MTMR14: variants seen among roughly 807,000 people sequenced by gnomAD.
MTMR14 encodes the protein phosphatidylinositol-3,5-bisphosphate 3-phosphatase MTMR14.
MTMR14 carries 48 observed loss-of-function variants against 86.3 expected under a neutral mutation model. The observed-to-expected ratio is 0.56, with a 90% CI of 0.44 to 0.71. The LOEUF (loss-of-function observed/expected upper bound fraction) is 0.71. Ranked by LOEUF, MTMR14 falls within the 30% of genes least tolerant of loss-of-function variation. The pLI is 0.00. For synonymous variants in MTMR14, 366 were observed against 326.1 expected (o/e 1.12, Z -1.32); for missense variants, 780 against 834.6 (o/e 0.93, Z 0.81).
At chr3:9,694,035 C>T (rs937086797) in intron 17 of MTMR14, among the ~76,000 whole-genome samples, 2 of 152,194 alleles carry the variant, frequency 1.3e-5, no homozygotes, top group Non-Finnish European at 2.9e-5. Flanking sequence ...CAGGATGACA[C>T]GCTGCTTCCT....
intron 3 of MTMR14, among the ~76,000 whole-genome samples, chr3:9,666,641 A>G (rs1042690525): frequency 1.3e-5 from 2 of 152,178 alleles, no homozygotes; most frequent in African/African-American, 4.8e-5. Context: ...TTCTCATACC[A>G]TTTTCTCCCC....
At chr3:9,692,065 T>C (rs955508687) in intron 17 of MTMR14, among the ~76,000 whole-genome samples, 2 of 152,318 alleles carry the variant, frequency 1.3e-5, no homozygotes, top group Non-Finnish European at 2.9e-5. Flanking sequence ...TAGTCTCTTA[T>C]CTTAAAGTGC....
intron 2 of MTMR14, among the ~76,000 whole-genome samples, chr3:9,660,027 C>G (rs1218816608): frequency 1.3e-5 from 2 of 152,188 alleles, no homozygotes; most frequent in African/African-American, 4.8e-5. Context: ...TGGTGCTGAC[C>G]AGATATGTGA....
At chr3:9,688,036 C>T (rs2076019004) in intron 14 of MTMR14, 145 bp downstream of exon 14, 9 of 753,716 alleles carry the variant, frequency 1.2e-5, no homozygotes, top group Non-Finnish European at 2.1e-5. Flanking sequence ...GCTCTGAGGC[C>T]AGGGTAGGGG....
At position 9,677,421 on chromosome 3, in the gene MTMR14, T is replaced by C. The variant is rs776310056; in HGVS notation, c.822+34T>C. 6.3e-7 allele frequency: 1 copy of C among 1,588,070 alleles called. No homozygotes were observed. Among genetic ancestry groups the C allele is most frequent in the Non-Finnish European group, 8.6e-7 (1 of 1,156,400 alleles). On this transcript the variant is annotated intron_variant, in intron 8 of 18. Transcript: ENST00000296003. This position sits in a 1 kb window ranked among gnomAD's most constrained non-coding sequence, Gnocchi z 4.2. ...AATAACATACATCAAATTGGATCTA[T>C]GTCTCTTTGTAAAGGGAGGCCAAGG...
At position 9,665,708 on chromosome 3, in the gene MTMR14, T is replaced by C. The variant is rs114818272; in HGVS notation, c.418-3011T>C. Among the ~76,000 whole-genome samples the C allele has an allele frequency of 4.9e-3, 742 of 152,242 alleles. 6 individuals are homozygous for C. Among genetic ancestry groups the C allele is most frequent in the African/African-American group, 0.017 (712 of 41,548 alleles). ...TGGTGCAACTGAGGAACTAAGGTTA[T>C]ATTTTACTTCATTTCATTTTAATTT... On this transcript the variant is annotated intron_variant, in intron 3 of 18. Coordinates refer to ENST00000296003, the MANE Select transcript of MTMR14 (RefSeq NM_001077525.3).
chr3:9,676,072 C>A (rs2075562565), intron 7 of MTMR14, among the ~76,000 whole-genome samples: 2 of 152,138 alleles, frequency 1.3e-5, no homozygotes, highest in Admixed American at 1.3e-4. Flanking sequence ...CTGAGGTGGC[C>A]TCAGACAGGA....
At position 9,683,164 on chromosome 3, in the gene MTMR14, C is replaced by A. The variant is rs758823809; in HGVS notation, c.898-14C>A. Reference sequence around the variant, plus strand: ...CTGAGTTAATGTCCATTTCTTCTCACTTTTCTCCAACAGTGTTGGGATCTG... The same window carrying A: ...CTGAGTTAATGTCCATTTCTTCTCAATTTTCTCCAACAGTGTTGGGATCTG... On this transcript the variant is annotated splice_polypyrimidine_tract_variant and intron_variant, in intron 9 of 18. Coordinates refer to ENST00000296003, the MANE Select transcript of MTMR14 (RefSeq NM_001077525.3). 10 of 1,613,062 alleles carry A rather than the reference C, an allele frequency of 6.2e-6. No individual in the cohort carries two copies. The highest frequency in any genetic ancestry group is 1.7e-4 in the Middle Eastern group (1 of 6,058).
At chr3:9,699,212 C>G (rs2125420260) in intron 18 of MTMR14, among the ~76,000 whole-genome samples, 1 of 151,914 alleles carries the variant, frequency 6.6e-6, no homozygotes, top group East Asian at 1.9e-4. Context: ...TAAAGACTTC[C>G]TACTCCAGCC....
intron 9 of MTMR14, among the ~76,000 whole-genome samples, chr3:9,680,896 GT>G (rs1009609423): frequency 1.2e-4 from 19 of 152,212 alleles, no homozygotes; most frequent in African/African-American, 4.6e-4. Flanking sequence ...CGCACGTGCT[GT>G]TTTCTCTGCC....
intron 17 of MTMR14, among the ~76,000 whole-genome samples, chr3:9,695,070 G>A (rs2076245073): frequency 6.6e-6 from 1 of 152,194 alleles, no homozygotes. Context: ...GGTGGAGCTT[G>A]GATCCCTCTG....
rs2048455168 is a variant in MTMR14 at position 9,669,506 on chromosome 3, T to C, written c.554+14T>C. The C allele has an allele frequency of 6.2e-7, 1 of 1,608,766 alleles. No homozygotes were observed. Among genetic ancestry groups the C allele is most frequent in the African/African-American group, 1.3e-5 (1 of 74,692 alleles). On this transcript the variant is annotated intron_variant, in intron 5 of 18. Transcript: ENST00000296003. Reference sequence around the variant, plus strand: ...CTGTGCTCTTCGGTCAGTGCTGGGTTGCTGTGGTCAGGGGCTTGTGTTGGG... The same window carrying C: ...CTGTGCTCTTCGGTCAGTGCTGGGTCGCTGTGGTCAGGGGCTTGTGTTGGG...
At chr3:9,700,842 A>G (rs2076433384) in intron 18 of MTMR14, 1 of 144,832 alleles carries the variant, frequency 6.9e-6, no homozygotes, top group African/African-American at 2.6e-5. Context: ...TTTTTTAGAC[A>G]CAGTCTCACT....
At position 9,688,044 on chromosome 3, in the gene MTMR14, G is replaced by A. The variant is rs7625684; in HGVS notation, c.1235+153G>A. 6.9e-4 allele frequency among the ~76,000 whole-genome samples: 105 copies of A among 152,280 alleles called. 1 individual carries two copies. Among genetic ancestry groups the A allele is most frequent in the African/African-American group, 2.4e-3 (100 of 41,552 alleles). ...TGCCTTCGCTCTGAGGCCAGGGTAG[G>A]GGTCCCTGCTGAAGGCCACTGGTGA... On this transcript the variant is annotated intron_variant, in intron 14 of 18. Coordinates refer to ENST00000296003, the MANE Select transcript of MTMR14 (RefSeq NM_001077525.3).
chr3:9,690,788 AT>A, intron 17 of MTMR14, among the ~76,000 whole-genome samples: 1 of 152,288 alleles, frequency 6.6e-6, no homozygotes, highest in East Asian at 1.9e-4. Flanking sequence ...AATCCTGTGA[AT>A]TGCTTTGTGT....
rs1281834212 is a variant in MTMR14 at position 9,685,782 on chromosome 3, G to A, written c.1164+535G>A. 3.9e-5 allele frequency among the ~76,000 whole-genome samples: 6 copies of A among 152,008 alleles called. No individual in the cohort carries two copies. The East Asian group carries it at 5.8e-4, about 15-fold the overall frequency. Reference sequence around the variant, plus strand: ...CAGCACTCTCTCCCCCATGCCTGTCGCCTTTTCTGCGCCCCCATCCTGTCG... The same window carrying A: ...CAGCACTCTCTCCCCCATGCCTGTCACCTTTTCTGCGCCCCCATCCTGTCG... On this transcript the variant is annotated intron_variant, in intron 13 of 18. Transcript: ENST00000296003.
In MTMR14 at chr3:9,653,658, G is replaced by A. The variant is rs2047437799; in HGVS notation, c.197G>A (p.Gly66Asp). 6.2e-7 allele frequency: 1 copy of A among 1,613,988 alleles called. No homozygotes were observed. The highest frequency in any genetic ancestry group is 1.7e-5 in the Admixed American group (1 of 59,982). ...GAGAAGAGATGTCTGGAGCTGTTTG[G>A]CCGAGACTACTGTTTCAGCGTGATT... Reference protein sequence around the residue: ...RIEKRCLELFGRDYCFSVIPN... With the variant: ...RIEKRCLELFDRDYCFSVIPN... Residue 66 changes from glycine to aspartate, a missense_variant, in exon 2 of 19, where the codon GGC becomes GAC. Gly to Asp is a moderately conservative substitution (Grantham distance 94, BLOSUM62 -1). Coordinates refer to ENST00000296003, the MANE Select transcript of MTMR14 (RefSeq NM_001077525.3).
At chr3:9,674,034 G>C (rs545160611) in intron 7 of MTMR14, among the ~76,000 whole-genome samples, 1 of 152,070 alleles carries the variant, frequency 6.6e-6, no homozygotes, top group Non-Finnish European at 1.5e-5. Flanking sequence ...TACCTAAGGG[G>C]GTCCACACTG....
chr3:9,678,373 A>G (rs573877195), intron 9 of MTMR14, among the ~76,000 whole-genome samples: 1 of 152,114 alleles, frequency 6.6e-6, no homozygotes, highest in East Asian at 1.9e-4. Context: ...TTACTTTTAC[A>G]TTTTTCCTTT....
Sources: gnomAD v4.1 joint callset for allele counts (sites outside exome capture counted in the v4.1 genomes callset) on GRCh38, gnomAD v4.1.1 for gene constraint, Gnocchi (gnomAD v3.1) non-coding constraint, MANE v1.5 for transcripts, NCBI Gene and HGNC (gene_info 2026-07-23, HGNC 2026-07-21) for gene names.